The following MMAB variants were observed in gnomAD, a reference collection of about 807,000 sequenced individuals.
MMAB encodes metabolism of cobalamin associated B, also known as corrinoid adenosyltransferase MMAB.
A neutral mutation model predicts 30.6 loss-of-function variants in MMAB; 17 were observed. The ratio of observed to expected loss-of-function variants is 0.56; its 90% confidence interval spans 0.38 to 0.83. The LOEUF is 0.83. MMAB is among the 40% of genes least tolerant of loss of function. The probability of loss-of-function intolerance (pLI) is 0.00; values close to 1 mark genes in which losing one functional copy is unlikely to be tolerated. For missense variants in MMAB, 311 were observed against 331.6 expected (o/e 0.94, Z 0.48); for synonymous variants, 134 against 138.6 (o/e 0.97, Z 0.23).
intron 3 of MMAB, among the ~76,000 whole-genome samples, chr12:109,565,976 A>G (rs1175130595): frequency 6.6e-6 from 1 of 152,122 alleles, no homozygotes; most frequent in Non-Finnish European, 1.5e-5. Flanking sequence ...TTCCTGGAGG[A>G]GGGCTTTGGG....
intron 7 of MMAB, 68 bp downstream of exon 7, chr12:109,560,972 T>TCTC: frequency 1.9e-5 from 9 of 464,382 alleles, no homozygotes; most frequent in Non-Finnish European, 2.5e-5. Context: ...CCTCTCCCTC[T>TCTC]CCCTCCCCCC....
At position 109,557,292 on chromosome 12, in the gene MMAB, A is replaced by G. The variant is rs888192; in HGVS notation, c.645-156T>C. 0.57 allele frequency among the ~76,000 whole-genome samples: 86,280 copies of G among 152,140 alleles called. 25,486 individuals carry two copies. Among genetic ancestry groups the G allele is most frequent in the African/African-American group, 0.72 (30,050 of 41,512 alleles). On this transcript the variant is annotated intron_variant, in intron 8 of 8. Transcript: ENST00000545712. ...GCGGGGGCCCAGCCATCTTGCACTT[A>G]ATGGATGGCACACGAGGCCAGCTGC...
intron 1 of MMAB, among the ~76,000 whole-genome samples, chr12:109,572,021 A>T (rs1445121745): frequency 1.3e-5 from 2 of 152,194 alleles, no homozygotes; most frequent in African/African-American, 4.8e-5. Context: ...GCACTGTGCC[A>T]AGTAGTTTAC....
At position 109,561,692 on chromosome 12, in the gene MMAB, C is replaced by G. The variant is rs1884212186; in HGVS notation, c.421+88G>C. 7.4e-7 allele frequency: 1 copy of G among 1,356,202 alleles called. No individual in the cohort carries two copies. Among genetic ancestry groups the G allele is most frequent in the African/African-American group, 1.4e-5 (1 of 69,182 alleles). The allele number at this position is 1,356,202 out of a possible 1,614,324, so 84.0% of individuals were successfully genotyped here. A position where few individuals can be genotyped will look rare whatever the true frequency, so the allele number is the denominator to read the frequency against. On this transcript the variant is annotated intron_variant, in intron 5 of 8. Coordinates refer to ENST00000545712, the MANE Select transcript of MMAB (RefSeq NM_052845.4). The surrounding 1 kb of genome is among the most constrained non-coding windows in gnomAD (Gnocchi z 5.3). ...AGGCTAACTGACCCACCCGTGGGTC[C>G]CTGGGGGCCTGGGATCCCAGATGGT...
chr12:109,558,587 G>A lies in MMAB; in HGVS notation c.644+509C>T, dbSNP rs906530970. ...GTGGCTCCAGCCTCATGGGCCGGCC[G>A]CGAGGCAGAGGAAGCCCTCCCTGGG... On this transcript the variant is annotated intron_variant, in intron 8 of 8. Coordinates refer to ENST00000545712, the MANE Select transcript of MMAB (RefSeq NM_052845.4). The surrounding 1 kb of genome is among the most constrained non-coding windows in gnomAD (Gnocchi z 4.3). 4.6e-5 allele frequency among the ~76,000 whole-genome samples: 7 copies of A among 152,116 alleles called. No individual in the cohort carries two copies. Among genetic ancestry groups the A allele is most frequent in the Admixed American group, 2.0e-4 (3 of 15,284 alleles).
At chr12:109,557,184 G>T in intron 8 of MMAB, 48 bp from the exon 9 acceptor site, 2 of 1,246,064 alleles carry the variant, frequency 1.6e-6, no homozygotes, top group Non-Finnish European at 1.2e-6. Flanking sequence ...TGAAATGAGA[G>T]ATCAACGCTA....
intron 7 of MMAB, 27 bp downstream of exon 7, chr12:109,560,993 TCCTCTCCCTCTCCCTTGGGC>T (rs1378164365): frequency 1.5e-5 from 8 of 551,308 alleles, no homozygotes; most frequent in Non-Finnish European, 6.8e-6. Flanking sequence ...TCCCCCTTGT[TCCTCTCCCTCTCCCTTGGGC>T]CCTCTCCCTC....
rs1383179841 is a variant in MMAB, at chr12:109,555,171, T to A, written c.*1857A>T. 2 of 448,606 alleles carry A rather than the reference T, an allele frequency of 4.5e-6. No homozygotes were observed. The highest frequency in any genetic ancestry group is 1.4e-4 in the East Asian group (2 of 14,310). The allele number at this position is 448,606 out of a possible 1,614,324, so 27.8% of individuals were successfully genotyped here. On this transcript the variant is annotated 3_prime_UTR_variant, in exon 9 of 9. Transcript: ENST00000545712. ...TGTTATTTTATATATATATATATAT[T>A]CCAGGAAGATTTTGAGATTTTGAGG...
At position 109,559,024 on chromosome 12, in the gene MMAB, G is replaced by A. The variant is rs7294475; in HGVS notation, c.644+72C>T. 1.7e-3 allele frequency: 1,937 copies of A among 1,154,998 alleles called. 20 individuals are homozygous for A. The African/African-American group carries it at 0.025, about 15-fold the overall frequency. 71.5% of individuals were successfully genotyped at this position (1,154,998 alleles called of 1,614,324 possible). On this transcript the variant is annotated intron_variant, in intron 8 of 8. Coordinates refer to ENST00000545712, the MANE Select transcript of MMAB (RefSeq NM_052845.4). ...GCTGCCCCACACTGCTTCCCGGACC[G>A]CTGCACCGCTGCTACTTCCCACAGA... is the stretch of plus-strand genomic sequence containing the variant.
Position 109,555,895 on chromosome 12 carries a change from C to T in MMAB, c.*1133G>A, listed in dbSNP as rs1264345869. ...AGATGGCCGGAAAGACCAGCTGTCC[C>T]GAGCCTAGCGCGGTGGCCCATGCTA... On this transcript the variant is annotated 3_prime_UTR_variant, in exon 9 of 9. Coordinates refer to ENST00000545712, the MANE Select transcript of MMAB (RefSeq NM_052845.4). The T allele has an allele frequency of 1.5e-5, 7 of 453,968 alleles. No homozygotes were observed. The highest frequency in any genetic ancestry group is 4.7e-5 in the Admixed American group (2 of 42,550). 28.1% of individuals were successfully genotyped at this position (453,968 alleles called of 1,614,324 possible).
In MMAB at chr12:109,558,715, T is replaced by A. The variant is rs1884076137; in HGVS notation, c.644+381A>T. Among the ~76,000 whole-genome samples the A allele has an allele frequency of 6.6e-6, 1 of 151,882 alleles. No homozygotes were observed. Among genetic ancestry groups the A allele is most frequent in the Non-Finnish European group, 1.5e-5 (1 of 67,938 alleles). On this transcript the variant is annotated intron_variant, in intron 8 of 8. Coordinates refer to ENST00000545712, the MANE Select transcript of MMAB (RefSeq NM_052845.4). This position sits in a 1 kb window ranked among gnomAD's most constrained non-coding sequence, Gnocchi z 4.3. ...GCAGGCCCTCTCGGGGACAGGAAACTGGCTGAGAGAGGGCCTGAAGCCTGG... is the reference window on the plus strand; with the variant it reads ...GCAGGCCCTCTCGGGGACAGGAAACAGGCTGAGAGAGGGCCTGAAGCCTGG...
rs1038979872 is a variant in MMAB, at chr12:109,561,498, C to G, written c.441G>C (p.Ala147=). The stretch of plus-strand genomic sequence containing the variant: ...ACTGCTCCAGCTCCAGGATGGGCCC[C>G]GCCTTGAACGTGGTATACTCTGAGG... ...EAHLKYTTFK[A]GPILELEQWI... Residue 147 remains alanine (A), a synonymous_variant, in exon 6 of 9, where the codon GCG becomes GCC. Coordinates refer to ENST00000545712, the MANE Select transcript of MMAB (RefSeq NM_052845.4). This position sits in a 1 kb window ranked among gnomAD's most constrained non-coding sequence, Gnocchi z 5.3. The G allele has an allele frequency of 3.2e-6, 5 of 1,549,714 alleles. No homozygotes were observed. Among genetic ancestry groups the G allele is most frequent in the Non-Finnish European group, 4.4e-6 (5 of 1,146,946 alleles).
chr12:109,573,336 C>A lies in MMAB; in HGVS notation c.134+11G>T. 6.2e-7 allele frequency: 1 copy of A among 1,613,236 alleles called. No individual in the cohort carries two copies. The stretch of plus-strand genomic sequence containing the variant: ...CAGGTGTTCGAGTTGCCCTTCCCGC[C>A]AGCCACTCACCTGTCCCCGTCTTCC... On this transcript the variant is annotated intron_variant, in intron 1 of 8. Coordinates refer to ENST00000545712, the MANE Select transcript of MMAB (RefSeq NM_052845.4).
In MMAB at chr12:109,555,831, T is replaced by A. The variant is rs1379480853; in HGVS notation, c.*1197A>T. ...AAGAATGAAGGCAAAAATATGCACG[T>A]GACTAAGAAGGTAATGTTTGCTGAC... On this transcript the variant is annotated 3_prime_UTR_variant, in exon 9 of 9. Coordinates refer to ENST00000545712, the MANE Select transcript of MMAB (RefSeq NM_052845.4). 2.2e-6 allele frequency: 1 copy of A among 453,896 alleles called. No individual in the cohort carries two copies. The highest frequency in any genetic ancestry group is 4.4e-6 in the Non-Finnish European group (1 of 226,760). The allele number at this position is 453,896 out of a possible 1,614,324, so 28.1% of individuals were successfully genotyped here. A position where few individuals can be genotyped will look rare whatever the true frequency, so the allele number is the denominator to read the frequency against.
chr12:109,560,341 G>C (rs924909509), intron 7 of MMAB, among the ~76,000 whole-genome samples: 1 of 152,164 alleles, frequency 6.6e-6, no homozygotes, highest in African/African-American at 2.4e-5. Flanking sequence ...CTGTAAAACA[G>C]AGGCCACCAC....
intron 3 of MMAB, chr12:109,568,090 C>T (rs936797173): frequency 1.3e-5 from 2 of 153,376 alleles, no homozygotes; most frequent in Admixed American, 1.3e-4. Flanking sequence ...ACCTCACTGG[C>T]GACAACACTG....
Position 109,561,113 on chromosome 12 carries a change from A to T in MMAB, c.520-9T>A. On this transcript the variant is annotated splice_polypyrimidine_tract_variant and intron_variant, in intron 6 of 8. Transcript: ENST00000545712. The surrounding 1 kb of genome is among the most constrained non-coding windows in gnomAD (Gnocchi z 5.3). ...CTGATCTTGCCTCCCGACTGAAAGG[A>T]GAAAGGGACATTGCCTGAGCAGGGT... 6.2e-7 allele frequency: 1 copy of T among 1,609,256 alleles called. No individual in the cohort carries two copies. Among genetic ancestry groups the T allele is most frequent in the Non-Finnish European group, 8.5e-7 (1 of 1,179,964 alleles).
At chr12:109,567,394 G>C (rs1279368669) in intron 3 of MMAB, among the ~76,000 whole-genome samples, 2 of 152,148 alleles carry the variant, frequency 1.3e-5, no homozygotes, top group African/African-American at 4.8e-5. Flanking sequence ...CTGAAAATTT[G>C]CAGCTGGGTC....
rs115665182 is a variant in MMAB at position 109,570,594 on chromosome 12, C to T, written c.196+1055G>A. ...CAAAAAATGGTATACTGTCTTGGTGCGGTAGCTCATGCCTCCTGTAATCCC... is the reference window on the plus strand; with the variant it reads ...CAAAAAATGGTATACTGTCTTGGTGTGGTAGCTCATGCCTCCTGTAATCCC... On this transcript the variant is annotated intron_variant, in intron 2 of 8. Coordinates refer to ENST00000545712, the MANE Select transcript of MMAB (RefSeq NM_052845.4). Among the ~76,000 whole-genome samples the T allele has an allele frequency of 6.1e-3, 925 of 152,158 alleles. 19 individuals are homozygous for T. The highest frequency in any genetic ancestry group is 0.021 in the African/African-American group (887 of 41,510).
Sources: allele counts gnomAD v4.1 joint callset (sites outside exome capture counted in the v4.1 genomes callset), GRCh38; gene constraint gnomAD v4.1.1; non-coding constraint Gnocchi (gnomAD v3.1); transcripts MANE v1.5; gene names NCBI Gene and HGNC (gene_info 2026-07-23, HGNC 2026-07-21).